Variants in SCAI observed in about 807,000 individuals in gnomAD.
SCAI encodes protein SCAI.
A neutral mutation model predicts 92.2 loss-of-function variants in SCAI; 24 were observed. The observed-to-expected ratio is 0.26, with a 90% CI of 0.19 to 0.37. The LOEUF is 0.37. Ranked by LOEUF, SCAI falls within the 10% of genes least tolerant of loss-of-function variation. The pLI, the probability that SCAI is intolerant of heterozygous loss-of-function variation, is 1.00. For missense variants in SCAI, 450 were observed against 736.2 expected (o/e 0.61, Z 4.50); for synonymous variants, 261 against 258.6 (o/e 1.01, Z -0.09).
intron 6 of SCAI, among the ~76,000 whole-genome samples, chr9:125,023,517 T>G (rs1832909004): frequency 6.6e-6 from 1 of 152,136 alleles, no homozygotes; most frequent in South Asian, 2.1e-4. Context: ...CTTTTTTGAT[T>G]AAAAAATAGG....
chr9:124,968,291 G>A, intron 17 of SCAI: 2 of 1,167,170 alleles, frequency 1.7e-6, no homozygotes, highest in Admixed American at 1.7e-5. Flanking sequence ...ACCGGGCTGG[G>A]CATCAAGCGT....
At chr9:125,122,747 A>C (rs1185703696) in intron 2 of SCAI, among the ~76,000 whole-genome samples, 1 of 151,998 alleles carries the variant, frequency 6.6e-6, no homozygotes, top group Non-Finnish European at 1.5e-5. Flanking sequence ...TCTACCAAAA[A>C]TACAAAAAAT....
At chr9:125,063,990 T>A (rs1163409906) in intron 2 of SCAI, among the ~76,000 whole-genome samples, 1 of 152,142 alleles carries the variant, frequency 6.6e-6, no homozygotes, top group East Asian at 1.9e-4. Flanking sequence ...CAGACTCAGG[T>A]GATCCCCCTG....
intron 3 of SCAI, among the ~76,000 whole-genome samples, chr9:125,044,728 G>T (rs540914580): frequency 6.6e-6 from 1 of 152,230 alleles, no homozygotes; most frequent in Non-Finnish European, 1.5e-5. Context: ...CAATGAGAAG[G>T]AAAGAGCTGA....
intron 17 of SCAI, among the ~76,000 whole-genome samples, chr9:124,970,443 G>A (rs1347786251): frequency 6.6e-6 from 1 of 152,178 alleles, no homozygotes; most frequent in Admixed American, 6.5e-5. Flanking sequence ...TCAGGGCCGG[G>A]TGCAGTGGCT....
chr9:125,011,238 C>T (rs969239318), intron 9 of SCAI, among the ~76,000 whole-genome samples: 16 of 152,156 alleles, frequency 1.1e-4, no homozygotes, highest in African/African-American at 3.6e-4. Context: ...CTACTCCAAG[C>T]TACAGGAGGA....
At chr9:125,081,197 T>C (rs1834208069) in intron 2 of SCAI, among the ~76,000 whole-genome samples, 1 of 152,142 alleles carries the variant, frequency 6.6e-6, no homozygotes, top group African/African-American at 2.4e-5. Flanking sequence ...CTTGCTGAAA[T>C]GTAGAAGTGA....
intron 3 of SCAI, among the ~76,000 whole-genome samples, chr9:125,050,695 C>A (rs1288076384): frequency 1.3e-5 from 2 of 152,036 alleles, no homozygotes. Flanking sequence ...ACCTCAGCCT[C>A]CCAAGTTGCT....
intron 17 of SCAI, among the ~76,000 whole-genome samples, chr9:124,956,870 C>T (rs1367169015): frequency 6.6e-6 from 1 of 151,880 alleles, no homozygotes; most frequent in Non-Finnish European, 1.5e-5. Context: ...AGAAGTAAAG[C>T]TGTTTTTTGT....
intron 3 of SCAI, among the ~76,000 whole-genome samples, chr9:125,047,191 A>C (rs1833461332): frequency 6.6e-6 from 1 of 152,282 alleles, no homozygotes; most frequent in Middle Eastern, 3.4e-3. Context: ...CCTTTAGGGA[A>C]GGTTTTAATA....
At chr9:125,075,739 A>G (rs1386192043) in intron 2 of SCAI, among the ~76,000 whole-genome samples, 1 of 151,870 alleles carries the variant, frequency 6.6e-6, no homozygotes, top group East Asian at 1.9e-4. Context: ...CTAGTTTTGT[A>G]TTTTTAGTAG....
chr9:125,071,474 A>G (rs1259467466), intron 2 of SCAI, among the ~76,000 whole-genome samples: 1 of 152,234 alleles, frequency 6.6e-6, no homozygotes, highest in Non-Finnish European at 1.5e-5. Context: ...TGATCAATGT[A>G]TAAAGAAACT....
At chr9:125,051,027 T>C (rs541563694) in intron 3 of SCAI, among the ~76,000 whole-genome samples, 1 of 152,260 alleles carries the variant, frequency 6.6e-6, no homozygotes. Context: ...CTTATTTATT[T>C]ATTTATTTAC....
At chr9:125,014,537 C>T (rs1463748021) in intron 9 of SCAI, among the ~76,000 whole-genome samples, 19 of 152,086 alleles carry the variant, frequency 1.2e-4, no homozygotes, top group Non-Finnish European at 8.8e-5. Context: ...AAAGAGGATA[C>T]AAACAAATGA....
At chr9:125,030,304 G>T (rs1833048856) in intron 3 of SCAI, among the ~76,000 whole-genome samples, 1 of 152,224 alleles carries the variant, frequency 6.6e-6, no homozygotes, top group East Asian at 1.9e-4. Context: ...AAATATAATT[G>T]TAAGTTATTT....
intron 14 of SCAI, among the ~76,000 whole-genome samples, chr9:124,982,434 G>A (rs1238996917): frequency 6.6e-6 from 1 of 152,104 alleles, no homozygotes; most frequent in South Asian, 2.1e-4. Flanking sequence ...CATTTTGGGA[G>A]GCCGAGGGGG....
At chr9:124,995,557 G>A (rs759445757) in intron 13 of SCAI, among the ~76,000 whole-genome samples, 1 of 151,362 alleles carries the variant, frequency 6.6e-6, no homozygotes, top group South Asian at 2.1e-4. Context: ...TTGTGCAATC[G>A]CAGCTCACAG....
In SCAI at chr9:125,042,615, A is replaced by ATGTGTGTGTGTGTGTGTGTGTG. The variant is rs150983142; in HGVS notation, c.231-12877_231-12876insCACACACACACACACACACACA. Among the ~76,000 whole-genome samples the ATGTGTGTGTGTGTGTGTGTGTG allele has an allele frequency of 3.9e-4, 41 of 105,202 alleles. 2 individuals are homozygous for ATGTGTGTGTGTGTGTGTGTGTG. In the East Asian group the frequency reaches 5.4e-3, roughly 14 times the overall value. 69.0% of individuals were successfully genotyped at this position (105,202 alleles called of 152,430 possible). A position where few individuals can be genotyped will look rare whatever the true frequency, so the allele number is the denominator to read the frequency against. ...CTAAATGCATGGCTTCCACCAGAGT[A>ATGTGTGTGTGTGTGTGTGTGTG]TGTGTGTGTGTGTGTGTGTACACAC... is the stretch of plus-strand genomic sequence containing the variant. On this transcript the variant is annotated intron_variant, in intron 3 of 17. Coordinates refer to ENST00000336505, the MANE Select transcript of SCAI (RefSeq NM_001144877.3).
At chr9:125,050,284 G>A (rs1221165680) in intron 3 of SCAI, among the ~76,000 whole-genome samples, 4 of 152,038 alleles carry the variant, frequency 2.6e-5, no homozygotes, top group Admixed American at 6.6e-5. Flanking sequence ...GGTGGAGGTG[G>A]GCGCAGGGGG....
Sources: gnomAD v4.1 joint callset for allele counts (sites outside exome capture counted in the v4.1 genomes callset) on GRCh38, gnomAD v4.1.1 for gene constraint, MANE v1.5 for transcripts, NCBI Gene and HGNC (gene_info 2026-07-23, HGNC 2026-07-21) for gene names.